The following ATP6V0A1 variants were observed in gnomAD, a reference collection of about 807,000 sequenced individuals.
The protein encoded by ATP6V0A1 is ATPase H+ transporting V0 subunit a1, also known as V-type proton ATPase 116 kDa subunit a 1.
A neutral mutation model predicts 105.4 loss-of-function variants in ATP6V0A1; 43 were observed. The observed-to-expected ratio is 0.41, with a 90% CI of 0.32 to 0.53. ATP6V0A1 has a LOEUF of 0.53. ATP6V0A1 is among the 20% of genes least tolerant of loss of function. The probability of loss-of-function intolerance (pLI) is 0.30; values close to 1 mark genes in which losing one functional copy is unlikely to be tolerated. For synonymous variants in ATP6V0A1, 362 were observed against 372.8 expected, an observed-to-expected ratio of 0.97 and a Z score of 0.33; for missense variants, 676 against 1,051.1, an observed-to-expected ratio of 0.64 and a Z score of 4.93.
chr17:42,466,115 T>C (rs1306731764), intron 2 of ATP6V0A1, among the ~76,000 whole-genome samples: 2 of 152,192 alleles, frequency 1.3e-5, no homozygotes, highest in African/African-American at 2.4e-5. Context: ...TCTGTGATAT[T>C]CATTGCCCAA....
chr17:42,490,576 C>G lies in ATP6V0A1; in HGVS notation c.1113C>G (p.Thr371=). Residue 371 remains threonine (T), a synonymous_variant, in exon 11 of 22, where the codon ACC becomes ACG. Coordinates refer to ENST00000343619, the MANE Select transcript of ATP6V0A1 (RefSeq NM_001130021.3). The stretch of plus-strand genomic sequence containing the variant: ...CCTATAACAAAACCAACAAGTTTAC[C>G]TATGGCTTTCAGAACATAGTAGATG... The part of the protein sequence containing the change: ...PPTYNKTNKF[T]YGFQNIVDAY... 2 of 1,613,460 alleles carry G rather than the reference C, an allele frequency of 1.2e-6. No individual in the cohort carries two copies. The highest frequency in any genetic ancestry group is 1.7e-6 in the Non-Finnish European group (2 of 1,179,760).
At chr17:42,486,836 G>A (rs910136973) in intron 9 of ATP6V0A1, among the ~76,000 whole-genome samples, 8 of 152,192 alleles carry the variant, frequency 5.3e-5, no homozygotes, top group African/African-American at 1.7e-4. Context: ...ATAGAAAGTC[G>A]TTGCTCTTTA....
In ATP6V0A1 at chr17:42,507,570, G is replaced by T; in HGVS notation, c.2055G>T (p.Glu685Asp). The T allele has an allele frequency of 6.2e-7, 1 of 1,613,760 alleles. No individual in the cohort carries two copies. The highest frequency in any genetic ancestry group is 1.7e-4 in the Middle Eastern group (1 of 6,060). The change falls in exon 18 of 22, where the codon GAG becomes GAT. Residue 685 changes from glutamate (E) to aspartate (D), a missense_variant. Coordinates refer to ENST00000343619, the MANE Select transcript of ATP6V0A1 (RefSeq NM_001130021.3). ...GGGTGGGCAACGGACCGACAGAGGA[G>T]GATGCTGAGATTATTCAGCATGACC... ...GIRVGNGPTE[E>D]DAEIIQHDQL...
At chr17:42,520,512 C>T (rs1248598037) in intron 21 of ATP6V0A1, 3 of 456,628 alleles carry the variant, frequency 6.6e-6, no homozygotes, top group South Asian at 1.5e-5. Flanking sequence ...AAGACTTCCC[C>T]TCCTAACTCC....
chr17:42,513,797 C>A, intron 19 of ATP6V0A1, 64 bp from the exon 20 acceptor site: 1 of 1,492,500 alleles, frequency 6.7e-7, no homozygotes, highest in Non-Finnish European at 9.3e-7. Flanking sequence ...GTAGCCACAA[C>A]TCAGAATGCC....
intron 1 of ATP6V0A1, chr17:42,460,463 C>T (rs1039254083): frequency 1.2e-5 from 2 of 161,906 alleles, no homozygotes; most frequent in Non-Finnish European, 2.7e-5. Flanking sequence ...TGTTTGTTTC[C>T]TGCACTAGCA....
At chr17:42,491,107 G>A (rs539543192) in intron 11 of ATP6V0A1, among the ~76,000 whole-genome samples, 2 of 151,920 alleles carry the variant, frequency 1.3e-5, no homozygotes, top group South Asian at 4.2e-4. Context: ...ACGGGGTCTT[G>A]TTATGTTGCC....
At chr17:42,507,975 A>G (rs2092129738) in intron 18 of ATP6V0A1, among the ~76,000 whole-genome samples, 1 of 152,208 alleles carries the variant, frequency 6.6e-6, no homozygotes, top group African/African-American at 2.4e-5. Context: ...CACTAAGCAC[A>G]GCTTCTTCAT....
chr17:42,469,985 CTT>C lies in ATP6V0A1; in HGVS notation c.295-103_295-102del, dbSNP rs2087670125. ...TATTTGCTAGGCAAGTCCAAGTTCT[CTT>C]TGAACTATCGGCTTGGCAACAGTTC... On this transcript the variant is annotated intron_variant, in intron 4 of 21. Transcript: ENST00000343619. The C allele has an allele frequency of 3.1e-5, 37 of 1,188,868 alleles. No homozygotes were observed. The South Asian group carries it at 5.9e-4, about 19-fold the overall frequency. 73.6% of individuals were successfully genotyped at this position (1,188,868 alleles called of 1,614,324 possible).
chr17:42,496,094 G>GAAAC (rs372122014), intron 14 of ATP6V0A1: 160 of 158,240 alleles, frequency 1.0e-3, no homozygotes, highest in Admixed American at 1.5e-3. Flanking sequence ...AAGAAAGAAA[G>GAAAC]AAACAAACAA....
intron 8 of ATP6V0A1, among the ~76,000 whole-genome samples, chr17:42,482,396 C>T (rs1598831178): frequency 6.6e-6 from 1 of 152,182 alleles, no homozygotes; most frequent in African/African-American, 2.4e-5. Context: ...ATCCACCTGC[C>T]TCAGCCTCCC....
chr17:42,513,945 T>C lies in ATP6V0A1; in HGVS notation c.2215T>C (p.Leu739=). Residue 739 remains leucine (L), a synonymous_variant, in exon 20 of 22, where the codon TTG becomes CTG. Transcript: ENST00000343619. The part of the protein sequence containing the change: ...LGCISNTASY[L]RLWALSLAHA... ...CTGCATCTCCAACACTGCCTCCTAC[T>C]TGCGGCTCTGGGCCCTCAGCCTCGC... 2.5e-6 allele frequency: 4 copies of C among 1,614,182 alleles called. No individual in the cohort carries two copies. The highest frequency in any genetic ancestry group is 3.4e-6 in the Non-Finnish European group (4 of 1,180,032).
intron 20 of ATP6V0A1, 49 bp from the exon 21 acceptor site, chr17:42,514,240 A>G (rs917093133): frequency 6.5e-7 from 1 of 1,539,434 alleles, no homozygotes; most frequent in African/African-American, 1.4e-5. Context: ...CATGGCCTAC[A>G]GCTGCCTCTT....
chr17:42,505,534 T>C (rs567031308), intron 17 of ATP6V0A1, among the ~76,000 whole-genome samples: 6 of 148,872 alleles, frequency 4.0e-5, no homozygotes, highest in African/African-American at 5.0e-5. Flanking sequence ...GAGACGGGGT[T>C]TCACCATGTT....
chr17:42,480,947 G>C lies in ATP6V0A1; in HGVS notation c.716+198G>C, dbSNP rs146613180. 396 of 436,242 alleles carry C rather than the reference G, an allele frequency of 9.1e-4. 7 individuals carry two copies. The East Asian group carries it at 0.017, about 19-fold the overall frequency. 27.0% of individuals were successfully genotyped at this position (436,242 alleles called of 1,614,324 possible). ...TTTATTTTTGTTGTTCAGATGGGGG[G>C]GTCTCACTCTGTTGCCCAGGCTGGA... is the stretch of plus-strand genomic sequence containing the variant. On this transcript the variant is annotated intron_variant, in intron 8 of 21. Coordinates refer to ENST00000343619, the MANE Select transcript of ATP6V0A1 (RefSeq NM_001130021.3).
At chr17:42,485,370 A>G (rs2089999017) in intron 9 of ATP6V0A1, among the ~76,000 whole-genome samples, 1 of 152,228 alleles carries the variant, frequency 6.6e-6, no homozygotes, top group Non-Finnish European at 1.5e-5. Flanking sequence ...TGTGGTAGTC[A>G]TTATAACTGA....
rs571317402 is a variant in ATP6V0A1, at chr17:42,487,758, A to G, written c.1023+391A>G. Among the ~76,000 whole-genome samples the G allele has an allele frequency of 2.0e-3, 305 of 152,212 alleles. 4 individuals carry two copies. The highest frequency in any genetic ancestry group is 0.02 in the South Asian group (96 of 4,826). On this transcript the variant is annotated intron_variant, in intron 10 of 21. Transcript: ENST00000343619. Reference sequence around the variant, plus strand: ...AAAAAAATAATAATAAAAAATAAATAAATAGTAACATTAATGTCATTTTTA... The same window carrying G: ...AAAAAAATAATAATAAAAAATAAATGAATAGTAACATTAATGTCATTTTTA...
At chr17:42,498,900 A>G (rs1567852040) in intron 14 of ATP6V0A1, 24 bp from the exon 15 acceptor site, 1 of 1,475,682 alleles carries the variant, frequency 6.8e-7, no homozygotes, top group Non-Finnish European at 9.4e-7. Flanking sequence ...TATAATACCT[A>G]TTTGTTTTCT....
intron 20 of ATP6V0A1, 89 bp from the exon 21 acceptor site, chr17:42,514,200 C>G (rs2092495774): frequency 6.7e-7 from 1 of 1,489,192 alleles, no homozygotes; most frequent in Non-Finnish European, 9.1e-7. Flanking sequence ...TCCAGGGAAC[C>G]CTAGAGCAGG....
Sources: allele counts gnomAD v4.1 joint callset (sites outside exome capture counted in the v4.1 genomes callset), GRCh38; gene constraint gnomAD v4.1.1; transcripts MANE v1.5; gene names NCBI Gene and HGNC (gene_info 2026-07-23, HGNC 2026-07-21).